GSN: variants seen among roughly 807,000 people sequenced by gnomAD.
The protein encoded by GSN is gelsolin.
A neutral mutation model predicts 85.7 loss-of-function variants in GSN; 56 were observed. The observed-to-expected ratio is 0.65, with a 90% CI of 0.53 to 0.82. The LOEUF (loss-of-function observed/expected upper bound fraction) is 0.82. Ranked by LOEUF, GSN falls within the 40% of genes least tolerant of loss-of-function variation. The pLI is 0.00. For missense variants in GSN, 857 were observed against 979.8 expected (o/e 0.87, Z 1.67); for synonymous variants, 373 against 399.1 (o/e 0.93, Z 0.78).
At chr9:121,331,479 A>AGGGGGGGGGGGGGG in intron 17 of GSN, 31 bp downstream of exon 17, 1 of 1,033,150 alleles carries the variant, frequency 9.7e-7, no homozygotes, top group South Asian at 1.4e-5. Context: ...GGGCGGGGGG[A>AGGGGGGGGGGGGGG]GGGGTCCGTT....
chr9:121,319,460 T>G (rs1194555574), intron 10 of GSN, among the ~76,000 whole-genome samples: 2 of 151,746 alleles, frequency 1.3e-5, no homozygotes, highest in Non-Finnish European at 2.9e-5. Context: ...AAATCAGACA[T>G]GCAACAGGCT....
chr9:121,300,218 C>G, intron 2 of GSN: 1 of 848,840 alleles, frequency 1.2e-6, no homozygotes, highest in Non-Finnish European at 2.0e-6. Context: ...AAGCTAACCT[C>G]ACCTTGGCCG....
upstream of GSN, among the ~76,000 whole-genome samples, chr9:121,204,387 C>T (rs924719965): frequency 6.6e-6 from 1 of 152,226 alleles, no homozygotes; most frequent in South Asian, 2.1e-4. Flanking sequence ...ATGCAGGTCC[C>T]TAACTGCTGC....
chr9:121,286,492 G>C, intron 2 of GSN: 1 of 1,022,184 alleles, frequency 9.8e-7, no homozygotes, highest in Non-Finnish European at 1.4e-6. Flanking sequence ...TGCGTCTGTT[G>C]TTCCCACCTT....
intron 5 of GSN, among the ~76,000 whole-genome samples, chr9:121,243,786 C>A (rs780662170): frequency 4.6e-5 from 7 of 152,158 alleles, no homozygotes; most frequent in Non-Finnish European, 1.0e-4. Flanking sequence ...CCAGGTTGGC[C>A]GGGCTGGTCT....
In GSN at chr9:121,302,945, C is replaced by T. The variant is rs140734150; in HGVS notation, c.231C>T (p.Ala77=). 40 of 1,613,816 alleles carry T rather than the reference C, an allele frequency of 2.5e-5. No homozygotes were observed. In the African/African-American group the frequency reaches 3.7e-4, roughly 15 times the overall value. The change falls in exon 4 of 18, where the codon GCC becomes GCT. Residue 77 remains alanine (A), a synonymous_variant. Transcript: ENST00000432226. ...NECSQDESGA[A]AIFTVQLDDY... ...GCAGCCAGGATGAGAGCGGGGCGGC[C>T]GCCATCTTTACCGTGCAGCTGGATG...
At position 121,312,342 on chromosome 9, in the gene GSN, A is replaced by T. The variant is rs1309900188; in HGVS notation, c.517A>T (p.Ile173Phe). Residue 173 changes from isoleucine to phenylalanine, a missense_variant, in exon 6 of 18, where the codon ATC becomes TTC. Coordinates refer to ENST00000432226, the MANE Select transcript of GSN (RefSeq NM_198252.3). The part of the protein sequence containing the change: ...DCFILDLGNN[I>F]HQWCGSNSNR... ...TTCCTGGGTCTCTGTCTTCCAGAAC[A>T]TCCACCAGTGGTGTGGTTCCAACAG... 4 of 1,614,012 alleles carry T rather than the reference A, an allele frequency of 2.5e-6. No individual in the cohort carries two copies. The highest frequency in any genetic ancestry group is 1.7e-6 in the Non-Finnish European group (2 of 1,179,996).
At chr9:121,224,351 G>A (rs931438886) in intron 4 of GSN, among the ~76,000 whole-genome samples, 1 of 151,822 alleles carries the variant, frequency 6.6e-6, no homozygotes, top group Non-Finnish European at 1.5e-5. Context: ...TGCCTGCCTC[G>A]GCCTCCCAAA....
At chr9:121,223,467 G>A (rs531932516) in intron 4 of GSN, among the ~76,000 whole-genome samples, 5 of 152,196 alleles carry the variant, frequency 3.3e-5, no homozygotes, top group African/African-American at 7.2e-5. Context: ...ACAACACAGA[G>A]TATGCCATTA....
At chr9:121,313,815 A>G in intron 6 of GSN, 119 bp from the exon 7 acceptor site, 1 of 812,474 alleles carries the variant, frequency 1.2e-6, no homozygotes, top group Non-Finnish European at 2.2e-6. Context: ...AGGAGGTCAG[A>G]CTCCATGGGG....
At chr9:121,212,570 T>C (rs1297931530) in intron 4 of GSN, among the ~76,000 whole-genome samples, 1 of 152,186 alleles carries the variant, frequency 6.6e-6, no homozygotes, top group African/African-American at 2.4e-5. Context: ...GAGCATGGTA[T>C]CTGCGACAAA....
chr9:121,272,081 A>G (rs1037490119), intron 1 of GSN, among the ~76,000 whole-genome samples: 1 of 152,176 alleles, frequency 6.6e-6, no homozygotes, highest in Non-Finnish European at 1.5e-5. Flanking sequence ...GGGGGATGTT[A>G]AGTAAAAATA....
intron 2 of GSN, chr9:121,286,789 G>A: frequency 6.6e-7 from 1 of 1,522,456 alleles, no homozygotes; most frequent in Non-Finnish European, 8.8e-7. Flanking sequence ...GTGTGTAGAA[G>A]TGAGAGTCAG....
chr9:121,331,477 G>T, intron 17 of GSN, 29 bp downstream of exon 17: 1 of 1,328,668 alleles, frequency 7.5e-7, no homozygotes, highest in South Asian at 1.2e-5. Context: ...GGGGGCGGGG[G>T]GAGGGGTCCG....
Position 121,331,743 on chromosome 9 carries a change from A to G in GSN, c.2026+295A>G, listed in dbSNP as rs1163233441. 1.8e-5 allele frequency: 6 copies of G among 326,786 alleles called. No individual in the cohort carries two copies. The East Asian group carries it at 3.3e-4, about 18-fold the overall frequency. The allele number at this position is 326,786 out of a possible 1,614,324, so 20.2% of individuals were successfully genotyped here. A position where few individuals can be genotyped will look rare whatever the true frequency, so the allele number is the denominator to read the frequency against. The stretch of plus-strand genomic sequence containing the variant: ...AGTTCCCAGAATACTCAGAAGCTGA[A>G]CTTGTCAAGGTTTAGATGTGGCAAA... On this transcript the variant is annotated intron_variant, in intron 17 of 17. Transcript: ENST00000432226.
chr9:121,318,402 ACAGG>A lies in GSN; in HGVS notation c.887-1_889del. 1 of 1,612,700 alleles carries A rather than the reference ACAGG, an allele frequency of 6.2e-7. No individual in the cohort carries two copies. The highest frequency in any genetic ancestry group is 8.5e-7 in the Non-Finnish European group (1 of 1,178,692). ...CCTCCATCACTTCCTCTGGCTGCCAACAGGCAAGCAGGCAAACACGGAGGAGAGG... is the reference window on the plus strand; with the variant it reads ...CCTCCATCACTTCCTCTGGCTGCCAACAAGCAGGCAAACACGGAGGAGAGG... On this transcript the variant is annotated splice_acceptor_variant and splice_polypyrimidine_tract_variant and coding_sequence_variant and intron_variant, in exon 9 of 18. Coordinates refer to ENST00000432226, the MANE Select transcript of GSN (RefSeq NM_198252.3). LOFTEE classifies it high-confidence loss of function. The surrounding 1 kb of genome is among the most constrained non-coding windows in gnomAD (Gnocchi z 4.3).
At chr9:121,264,563 G>A (rs753819909), upstream of GSN, among the ~76,000 whole-genome samples, 27 of 152,216 alleles carry the variant, frequency 1.8e-4, no homozygotes, top group Admixed American at 6.5e-4. Flanking sequence ...AAAGGGGACC[G>A]AGGCTGGAGA....
At chr9:121,327,828 C>T (rs138762868) in intron 14 of GSN, among the ~76,000 whole-genome samples, 4,135 of 152,118 alleles carry the variant, frequency 0.027, 82 homozygotes, top group Middle Eastern at 0.054. Context: ...CAAAATTAGC[C>T]GGGCATGGTG....
Position 121,312,504 on chromosome 9 carries a change from G to A in GSN, c.663+16G>A, listed in dbSNP as rs199583851. The A allele has an allele frequency of 5.0e-5, 80 of 1,597,642 alleles. No homozygotes were observed. Among genetic ancestry groups the A allele is most frequent in the Non-Finnish European group, 5.9e-5 (69 of 1,168,584 alleles). Reference sequence around the variant, plus strand: ...GATGCTCCAGGTGCCTGTGGGGTGCGCAATGGGGTGGCCATGGGGACACGC... The same window carrying A: ...GATGCTCCAGGTGCCTGTGGGGTGCACAATGGGGTGGCCATGGGGACACGC... On this transcript the variant is annotated intron_variant, in intron 6 of 17. Transcript: ENST00000432226.
Sources: gnomAD v4.1 joint callset for allele counts (sites outside exome capture counted in the v4.1 genomes callset) on GRCh38, gnomAD v4.1.1 for gene constraint, Gnocchi (gnomAD v3.1) non-coding constraint, MANE v1.5 for transcripts, NCBI Gene and HGNC (gene_info 2026-07-23, HGNC 2026-07-21) for gene names.